The following PRKCB variants were observed in gnomAD, a reference collection of about 807,000 sequenced individuals.
PRKCB encodes protein kinase C beta type.
A neutral mutation model predicts 81.5 loss-of-function variants in PRKCB; 13 were observed. That is an observed-to-expected ratio of 0.16 (90% CI 0.10 to 0.25). The LOEUF (loss-of-function observed/expected upper bound fraction) is 0.25. PRKCB is among the 10% of genes least tolerant of loss of function. The pLI is 1.00. For synonymous variants in PRKCB, 335 were observed against 321.4 expected (o/e 1.04, Z -0.45); for missense variants, 509 against 875.7 (o/e 0.58, Z 5.29).
intron 2 of PRKCB, among the ~76,000 whole-genome samples, chr16:23,894,778 C>A (rs1963349766): frequency 6.6e-6 from 1 of 152,174 alleles, no homozygotes; most frequent in Non-Finnish European, 1.5e-5. Context: ...GTATTTGATT[C>A]ATTCTGACAT....
At chr16:23,913,985 A>G (rs28435782) in intron 2 of PRKCB, among the ~76,000 whole-genome samples, 59,109 of 151,762 alleles carry the variant, frequency 0.39, 11,803 homozygotes, top group South Asian at 0.58. Context: ...CCAGTATGTG[A>G]AAATATCCCC....
chr16:23,949,676 A>G (rs1487930769), intron 2 of PRKCB, among the ~76,000 whole-genome samples: 4 of 152,246 alleles, frequency 2.6e-5, no homozygotes, highest in African/African-American at 9.6e-5. Flanking sequence ...TGAACTAGCC[A>G]GACAAGCTGT....
rs140281731 is a variant in PRKCB, at chr16:24,130,687, C to G, written c.1065+6706C>G. Among the ~76,000 whole-genome samples, 5 of 152,310 alleles carry G rather than the reference C, an allele frequency of 3.3e-5. No individual in the cohort carries two copies. In the East Asian group the frequency reaches 9.6e-4, roughly 29 times the overall value. On this transcript the variant is annotated intron_variant, in intron 9 of 16. Coordinates refer to ENST00000643927, the MANE Select transcript of PRKCB (RefSeq NM_002738.7). ...CATATGGTGATTGGGGACAAGGTGT[C>G]TTTCGTCCTGTATGGCTCCATTAAT... is the stretch of plus-strand genomic sequence containing the variant.
chr16:23,972,714 G>A (rs975632032), intron 2 of PRKCB, among the ~76,000 whole-genome samples: 1 of 152,172 alleles, frequency 6.6e-6, no homozygotes, highest in Non-Finnish European at 1.5e-5. Context: ...GCCTGGTGAA[G>A]GGGAAACATT....
intron 8 of PRKCB, among the ~76,000 whole-genome samples, chr16:24,121,857 GTCA>G (rs1037865522): frequency 1.2e-4 from 18 of 152,296 alleles, no homozygotes; most frequent in African/African-American, 4.1e-4. Flanking sequence ...ATCATTTCAT[GTCA>G]TCATCTCCAT....
intron 5 of PRKCB, among the ~76,000 whole-genome samples, chr16:24,087,629 C>T (rs954813741): frequency 1.3e-5 from 2 of 152,212 alleles, no homozygotes; most frequent in Non-Finnish European, 2.9e-5. Context: ...ATAAGAGATG[C>T]TCCTGATTCA....
rs3073130 is a variant in PRKCB at position 23,934,318 on chromosome 16, GTTTTTTT to G, written c.206-54178_206-54172del. Among the ~76,000 whole-genome samples the G allele has an allele frequency of 5.2e-3, 704 of 135,102 alleles. 8 individuals carry two copies. Among genetic ancestry groups the G allele is most frequent in the African/African-American group, 0.018 (651 of 36,206 alleles). 88.6% of individuals were successfully genotyped at this position (135,102 alleles called of 152,430 possible). On this transcript the variant is annotated intron_variant, in intron 2 of 16. Transcript: ENST00000643927. ...TTTTTAGGCATTGAGGAAAAAAGCT[GTTTTTTT>G]TTTTTTTTTTTGACATTAAAAGCTC...
chr16:24,144,442 G>T (rs1966958251), intron 9 of PRKCB, among the ~76,000 whole-genome samples: 1 of 152,164 alleles, frequency 6.6e-6, no homozygotes, highest in South Asian at 2.1e-4. Context: ...GGGATTACAG[G>T]CGTGTGCTAT....
chr16:24,190,519 G>GTT (rs756174057), intron 15 of PRKCB, among the ~76,000 whole-genome samples: 1 of 143,488 alleles, frequency 7.0e-6, no homozygotes, highest in Non-Finnish European at 1.5e-5. Flanking sequence ...TGTTTTTTTG[G>GTT]TTTTGTTTTT....
chr16:24,153,321 G>A (rs1169672725), intron 9 of PRKCB, among the ~76,000 whole-genome samples: 1 of 152,122 alleles, frequency 6.6e-6, no homozygotes, highest in Non-Finnish European at 1.5e-5. Flanking sequence ...ATTCACAATG[G>A]CACCTACTTC....
At chr16:23,990,065 A>C (rs143326633) in intron 3 of PRKCB, among the ~76,000 whole-genome samples, 1 of 152,148 alleles carries the variant, frequency 6.6e-6, no homozygotes, top group Non-Finnish European at 1.5e-5. Context: ...AGCATGGCAG[A>C]GTGGAAAACT....
chr16:24,004,478 C>CAAAAAAA (rs71154264), intron 3 of PRKCB, among the ~76,000 whole-genome samples: 7 of 47,414 alleles, frequency 1.5e-4, no homozygotes, highest in Non-Finnish European at 1.8e-4. Flanking sequence ...CAAGTCTCTA[C>CAAAAAAA]AAAAAAAAAA....
At chr16:24,004,376 G>A (rs1965085762) in intron 3 of PRKCB, among the ~76,000 whole-genome samples, 1 of 148,340 alleles carries the variant, frequency 6.7e-6, no homozygotes, top group South Asian at 2.1e-4. Context: ...AAAGAAATAG[G>A]ACTCAAAACA....
intron 2 of PRKCB, among the ~76,000 whole-genome samples, chr16:23,859,265 C>A (rs1352045527): frequency 6.6e-6 from 1 of 152,162 alleles, no homozygotes; most frequent in Non-Finnish European, 1.5e-5. Context: ...CACCAGTATC[C>A]CTGGTCAGTC....
rs145130609 is a variant in PRKCB at position 23,883,186 on chromosome 16, G to T, written c.205+45780G>T. On this transcript the variant is annotated intron_variant, in intron 2 of 16. Coordinates refer to ENST00000643927, the MANE Select transcript of PRKCB (RefSeq NM_002738.7). ...AAAAAACAGGATGAGATCCACTGGC[G>T]ATAAATGTCATGATACTGAATCAGG... 1.4e-3 allele frequency among the ~76,000 whole-genome samples: 206 copies of T among 152,258 alleles called. 2 individuals are homozygous for T. The highest frequency in any genetic ancestry group is 1.5e-3 in the South Asian group (7 of 4,826).
At chr16:23,988,056 C>G (rs1485821131) in intron 2 of PRKCB, among the ~76,000 whole-genome samples, 3 of 152,224 alleles carry the variant, frequency 2.0e-5, no homozygotes, top group African/African-American at 7.2e-5. Context: ...CCTGTCCCCT[C>G]TGTTTCCACA....
intron 2 of PRKCB, among the ~76,000 whole-genome samples, chr16:23,958,755 C>T (rs1596487473): frequency 6.7e-6 from 1 of 148,580 alleles, no homozygotes; most frequent in African/African-American, 2.5e-5. Context: ...CCTTCCACCC[C>T]CTCTTCTTAT....
At chr16:24,049,370 C>T (rs1311621845) in intron 5 of PRKCB, among the ~76,000 whole-genome samples, 9 of 143,864 alleles carry the variant, frequency 6.3e-5, no homozygotes, top group Non-Finnish European at 1.1e-4. Flanking sequence ...ACTACCCTGG[C>T]ACACCCGGGA....
chr16:23,927,612 G>T (rs1042269771), intron 2 of PRKCB, among the ~76,000 whole-genome samples: 1 of 152,008 alleles, frequency 6.6e-6, no homozygotes, highest in Admixed American at 6.6e-5. Flanking sequence ...AGTAATCTAG[G>T]CAGGACTTGA....
Sources: gnomAD v4.1 joint callset for allele counts (sites outside exome capture counted in the v4.1 genomes callset) on GRCh38, gnomAD v4.1.1 for gene constraint, MANE v1.5 for transcripts, NCBI Gene and HGNC (gene_info 2026-07-23, HGNC 2026-07-21) for gene names.